Variants in EEF1AKMT1 observed in about 807,000 individuals in gnomAD.
EEF1AKMT1 encodes EEF1A lysine methyltransferase 1, also known as N-6 adenine-specific DNA methyltransferase 2 (putative).
EEF1AKMT1 carries 18 observed loss-of-function variants against 21.0 expected under a neutral mutation model. The ratio of observed to expected loss-of-function variants is 0.86; its 90% confidence interval spans 0.59 to 1.27. EEF1AKMT1 has a LOEUF of 1.27. EEF1AKMT1 is among the 50% of genes most tolerant of loss of function. The pLI, the probability that EEF1AKMT1 is intolerant of heterozygous loss-of-function variation, is 0.00. For missense variants in EEF1AKMT1, 246 were observed against 258.6 expected, an observed-to-expected ratio of 0.95 and a Z score of 0.33; for synonymous variants, 109 against 94.8, an observed-to-expected ratio of 1.15 and a Z score of -0.87.
At position 20,728,988 on chromosome 13, in the gene EEF1AKMT1, AG is replaced by A; in HGVS notation, c.*91del. Reference sequence around the variant, plus strand: ...CCAGGGACAGCTCCAGTTTGGGGGGAGGGGAAGAGATTATAACTTTTAAATC... The same window carrying A: ...CCAGGGACAGCTCCAGTTTGGGGGGAGGGAAGAGATTATAACTTTTAAATC... On this transcript the variant is annotated 3_prime_UTR_variant, in exon 5 of 5. Transcript: ENST00000382758. 1 of 1,488,356 alleles carries A rather than the reference AG, an allele frequency of 6.7e-7. No homozygotes were observed. The highest frequency in any genetic ancestry group is 9.3e-7 in the Non-Finnish European group (1 of 1,076,942). The allele number at this position is 1,488,356 out of a possible 1,614,324, so 92.2% of individuals were successfully genotyped here. A position where few individuals can be genotyped will look rare whatever the true frequency, so the allele number is the denominator to read the frequency against.
At chr13:20,737,073 A>G (rs1393976621) in intron 3 of EEF1AKMT1, among the ~76,000 whole-genome samples, 2 of 151,988 alleles carry the variant, frequency 1.3e-5, no homozygotes, top group Non-Finnish European at 2.9e-5. Context: ...TTCTGATAAA[A>G]ATAAAAACCA....
At chr13:20,771,070 T>A (rs1056820294) in intron 1 of EEF1AKMT1, among the ~76,000 whole-genome samples, 2 of 151,868 alleles carry the variant, frequency 1.3e-5, no homozygotes, top group African/African-American at 4.8e-5. Context: ...GGGGGTCTCG[T>A]CATGTTGCCC....
intron 1 of EEF1AKMT1, among the ~76,000 whole-genome samples, chr13:20,763,474 C>T (rs902679972): frequency 2.7e-5 from 4 of 148,452 alleles, no homozygotes; most frequent in African/African-American, 1.0e-4. Flanking sequence ...TTTTTTGAAA[C>T]AGAATTTTGC....
chr13:20,743,158 C>A (rs552224865), intron 2 of EEF1AKMT1, among the ~76,000 whole-genome samples: 2 of 152,192 alleles, frequency 1.3e-5, no homozygotes, highest in Admixed American at 6.5e-5. Flanking sequence ...CCTCCACCTC[C>A]GAAATTGAAG....
chr13:20,765,865 CAT>C (rs2059028135), intron 1 of EEF1AKMT1, among the ~76,000 whole-genome samples: 1 of 151,752 alleles, frequency 6.6e-6, no homozygotes, highest in Non-Finnish European at 1.5e-5. Flanking sequence ...AATCAAACAT[CAT>C]ATGACAAGGT....
At position 20,731,908 on chromosome 13, in the gene EEF1AKMT1, C is replaced by G. The variant is rs767162001; in HGVS notation, c.441G>C (p.Glu147Asp). The change falls in exon 4 of 5, where the codon GAG becomes GAC. Residue 147 changes from glutamate (E) to aspartate (D), a missense_variant. Glu to Asp is a conservative substitution (Grantham distance 45). Coordinates refer to ENST00000382758, the MANE Select transcript of EEF1AKMT1 (RefSeq NM_001318939.2). ...IVIADPPYLSEECLRKTSETV... is the reference protein window; with the variant it reads ...IVIADPPYLSDECLRKTSETV... ...TTTCCGATGTTTTTCTGAGACATTC[C>G]TCCGAAAGATAGGGAGGATCTGCTA... The G allele has an allele frequency of 1.2e-6, 2 of 1,614,072 alleles. No individual in the cohort carries two copies. The highest frequency in any genetic ancestry group is 8.5e-7 in the Non-Finnish European group (1 of 1,180,050).
intron 2 of EEF1AKMT1, among the ~76,000 whole-genome samples, chr13:20,753,281 T>C (rs2058952881): frequency 6.6e-6 from 1 of 152,164 alleles, no homozygotes; most frequent in African/African-American, 2.4e-5. Context: ...TTTTATTGTG[T>C]TATGACCTGA....
chr13:20,754,207 T>C (rs762470997), intron 2 of EEF1AKMT1, among the ~76,000 whole-genome samples: 10 of 152,190 alleles, frequency 6.6e-5, no homozygotes, highest in Admixed American at 3.3e-4. Flanking sequence ...GGAGTCTTGA[T>C]TTCTCCTTCA....
intron 1 of EEF1AKMT1, 47 bp from the exon 2 acceptor site, chr13:20,757,664 C>A: frequency 1.4e-6 from 2 of 1,448,170 alleles, no homozygotes; most frequent in Non-Finnish European, 1.9e-6. Flanking sequence ...GTTTCCCCTT[C>A]CCAGCCAGTA....
chr13:20,745,365 T>G (rs1490015331), intron 2 of EEF1AKMT1, among the ~76,000 whole-genome samples: 1 of 152,194 alleles, frequency 6.6e-6, no homozygotes, highest in African/African-American at 2.4e-5. Flanking sequence ...CCTTGAGCAG[T>G]AGTTTGTAGT....
intron 4 of EEF1AKMT1, 107 bp from the exon 5 acceptor site, chr13:20,729,323 T>C: frequency 7.7e-7 from 1 of 1,294,372 alleles, no homozygotes; most frequent in Non-Finnish European, 1.1e-6. Context: ...GGCAATTAGT[T>C]GACAATTCAC....
intron 3 of EEF1AKMT1, among the ~76,000 whole-genome samples, chr13:20,733,920 G>A (rs557360037): frequency 2.6e-5 from 4 of 152,292 alleles, no homozygotes; most frequent in Non-Finnish European, 5.9e-5. Flanking sequence ...TACCCATGCC[G>A]GGCTAAGCAG....
At chr13:20,743,027 T>C (rs1414346521) in intron 2 of EEF1AKMT1, among the ~76,000 whole-genome samples, 1 of 152,212 alleles carries the variant, frequency 6.6e-6, no homozygotes, top group African/African-American at 2.4e-5. Flanking sequence ...TTTTCTACCT[T>C]AGATCATAAA....
chr13:20,760,757 C>G (rs1454437099), intron 1 of EEF1AKMT1, among the ~76,000 whole-genome samples: 2 of 151,284 alleles, frequency 1.3e-5, no homozygotes, highest in Non-Finnish European at 2.9e-5. Context: ...GATAAAACAT[C>G]AAAATAATGG....
chr13:20,739,066 T>G (rs577050846), intron 2 of EEF1AKMT1, among the ~76,000 whole-genome samples: 67 of 151,952 alleles, frequency 4.4e-4, no homozygotes, highest in African/African-American at 1.5e-3. Flanking sequence ...CCTGGGGGGG[T>G]CGTGGTCTCG....
intron 2 of EEF1AKMT1, chr13:20,747,996 G>A: frequency 4.0e-6 from 1 of 249,008 alleles, no homozygotes; most frequent in Non-Finnish European, 8.0e-6. Context: ...AGTTTTTCCA[G>A]TACCACCATC....
At chr13:20,760,747 G>A (rs1379203331) in intron 1 of EEF1AKMT1, among the ~76,000 whole-genome samples, 24 of 151,696 alleles carry the variant, frequency 1.6e-4, no homozygotes, top group African/African-American at 7.3e-5. Flanking sequence ...AGAATACACA[G>A]ATAAAACATC....
intron 2 of EEF1AKMT1, among the ~76,000 whole-genome samples, chr13:20,750,869 C>T (rs1010161192): frequency 1.3e-5 from 2 of 152,102 alleles, no homozygotes; most frequent in Non-Finnish European, 2.9e-5. Context: ...ATCTTTTTAA[C>T]AATAGCCATT....
intron 1 of EEF1AKMT1, chr13:20,769,273 T>C (rs962628327): frequency 2.0e-5 from 3 of 152,240 alleles, no homozygotes; most frequent in African/African-American, 4.8e-5. Context: ...AGGAAACACC[T>C]TGCATAAAAC....
Sources: gnomAD v4.1 joint callset for allele counts (sites outside exome capture counted in the v4.1 genomes callset) on GRCh38, gnomAD v4.1.1 for gene constraint, MANE v1.5 for transcripts, NCBI Gene and HGNC (gene_info 2026-07-23, HGNC 2026-07-21) for gene names.